DMD: variants seen among roughly 807,000 people sequenced by gnomAD.
DMD encodes mutant dystrophin.
In DMD, 63 loss-of-function variants were observed where a neutral mutation model predicts 330.1. That is an observed-to-expected ratio of 0.19 (90% CI 0.16 to 0.24). DMD has a LOEUF of 0.24. DMD is among the 10% of genes least tolerant of loss of function. The pLI is 1.00. For synonymous variants in DMD, 1,223 were observed against 959.8 expected (o/e 1.27, Z -5.07); for missense variants, 3,344 against 2,684.1 (o/e 1.25, Z -5.43).
upstream of DMD, among the ~76,000 whole-genome samples, chrX:33,216,382 G>T (rs2052054464): frequency 9.0e-6 from 1 of 111,231 alleles, no homozygotes; most frequent in Non-Finnish European, 1.9e-5. Flanking sequence ...CTTATAAATG[G>T]GAGCAAAACA....
intron 62 of DMD, among the ~76,000 whole-genome samples, chrX:31,262,318 C>T (rs565409304): frequency 1.8e-5 from 2 of 111,799 alleles, no homozygotes; most frequent in South Asian, 3.7e-4. Context: ...TCAATCAAGG[C>T]GAAGAAAGAC....
At chrX:31,301,755 GTTT>G (rs200141315) in intron 62 of DMD, among the ~76,000 whole-genome samples, 2 of 109,238 alleles carry the variant, frequency 1.8e-5, no homozygotes, top group Non-Finnish European at 3.8e-5. Context: ...TTTTTTGTTT[GTTT>G]TTTTTTGTTT....
chrX:31,687,284 G>T (rs1232833792), intron 52 of DMD, among the ~76,000 whole-genome samples: 1 of 111,011 alleles, frequency 9.0e-6, no homozygotes, highest in African/African-American at 3.3e-5. Context: ...GAGAAAAGTA[G>T]ACAGAAAAGT....
intron 20 of DMD, among the ~76,000 whole-genome samples, chrX:32,489,931 C>G (rs966982331): frequency 8.9e-6 from 1 of 111,878 alleles, no homozygotes; most frequent in African/African-American, 3.3e-5. Flanking sequence ...AGTGCCTTAT[C>G]CAAGGTATTC....
At chrX:31,767,480 G>T (rs2090073117) in intron 51 of DMD, among the ~76,000 whole-genome samples, 1 of 111,599 alleles carries the variant, frequency 9.0e-6, no homozygotes, top group Non-Finnish European at 1.9e-5. Flanking sequence ...GAGGTCTGGG[G>T]GTCTGGGTTT....
intron 44 of DMD, among the ~76,000 whole-genome samples, chrX:32,146,835 A>G (rs908579895): frequency 8.9e-6 from 1 of 111,873 alleles, no homozygotes; most frequent in Non-Finnish European, 1.9e-5. Context: ...CCCATTTTAC[A>G]GATGAGACAA....
chrX:33,171,321 T>C (rs2049333384), intron 1 of DMD, among the ~76,000 whole-genome samples: 1 of 110,890 alleles, frequency 9.0e-6, no homozygotes, highest in Non-Finnish European at 1.9e-5. Flanking sequence ...GTTTGAAACC[T>C]CTGGGGGTTT....
At chrX:31,341,723 T>C (rs915969857) in intron 61 of DMD, among the ~76,000 whole-genome samples, 135 of 111,427 alleles carry the variant, frequency 1.2e-3, no homozygotes, top group African/African-American at 3.9e-3. Context: ...ATTATAACTA[T>C]CTTTGTGACC....
chrX:33,002,840 T>A (rs1280383003), intron 2 of DMD, among the ~76,000 whole-genome samples: 2 of 74,011 alleles, frequency 2.7e-5, no homozygotes, highest in Admixed American at 1.8e-4. Context: ...ATGTGTGATA[T>A]TTTTTTCTCG....
intron 1 of DMD, among the ~76,000 whole-genome samples, chrX:33,247,192 C>T (rs779844765): frequency 1.1e-3 from 127 of 111,446 alleles, no homozygotes; most frequent in Non-Finnish European, 2.0e-3. Flanking sequence ...TTTTATATTC[C>T]GAATCAGTCC....
At chrX:32,813,008 A>G (rs2077482393) in intron 6 of DMD, among the ~76,000 whole-genome samples, 2 of 110,633 alleles carry the variant, frequency 1.8e-5, no homozygotes, top group East Asian at 5.7e-4. Flanking sequence ...GTATGATGAG[A>G]AAAAAGAGCA....
intron 2 of DMD, among the ~76,000 whole-genome samples, chrX:32,927,169 A>G: frequency 9.0e-6 from 1 of 111,232 alleles, no homozygotes; most frequent in Non-Finnish European, 1.9e-5. Flanking sequence ...TTTCCATCTT[A>G]TCTAGCCTTT....
chrX:31,463,118 C>T (rs1416450008), intron 59 of DMD, among the ~76,000 whole-genome samples: 1 of 111,782 alleles, frequency 8.9e-6, no homozygotes, highest in Non-Finnish European at 1.9e-5. Context: ...ATTTCATGCT[C>T]ATGGAAAAAG....
Position 31,135,798 on chromosome X carries a change from C to T in DMD, c.10922-1604G>A, listed in dbSNP as rs770554537. Reference sequence around the variant, plus strand: ...TTCTATTCAAGCTCTGTTTGTTTTGCACATTGTCACTTCCATCTAAAACAA... The same window carrying T: ...TTCTATTCAAGCTCTGTTTGTTTTGTACATTGTCACTTCCATCTAAAACAA... On this transcript the variant is annotated intron_variant, in intron 76 of 78. Coordinates refer to ENST00000357033, the MANE Select transcript of DMD (RefSeq NM_004006.3). Among the ~76,000 whole-genome samples the T allele has an allele frequency of 9.8e-5, 11 of 112,533 alleles. No homozygotes were observed. The South Asian group carries it at 3.7e-3, about 38-fold the overall frequency.
chrX:31,233,960 C>T (rs1882263), intron 63 of DMD, among the ~76,000 whole-genome samples: 35,999 of 110,774 alleles, frequency 0.32, 6,593 homozygotes, highest in African/African-American at 0.71. Context: ...TTGAATGATA[C>T]GCCATTAGTT....
intron 44 of DMD, among the ~76,000 whole-genome samples, chrX:32,054,135 G>GAGAGAGAGAA (rs1450250738): frequency 1.6e-4 from 15 of 96,141 alleles, no homozygotes; most frequent in Non-Finnish European, 3.2e-4. Context: ...GAGAGAGAGA[G>GAGAGAGAGAA]AAGAGGACTG....
intron 30 of DMD, among the ~76,000 whole-genome samples, chrX:32,391,644 G>C (rs983705528): frequency 8.9e-6 from 1 of 111,847 alleles, no homozygotes; most frequent in Non-Finnish European, 1.9e-5. Context: ...TAACTACCTT[G>C]TGTGAGAAAT....
chrX:31,706,165 C>T (rs1603449857), intron 52 of DMD, among the ~76,000 whole-genome samples: 1 of 95,372 alleles, frequency 1.0e-5, no homozygotes, highest in Non-Finnish European at 2.1e-5. Context: ...AAAAAAAAAG[C>T]AAAACCAGAC....
intron 56 of DMD, among the ~76,000 whole-genome samples, chrX:31,501,824 T>A (rs1324967939): frequency 9.0e-6 from 1 of 111,710 alleles, no homozygotes; most frequent in South Asian, 3.7e-4. Context: ...CCTATAAATC[T>A]TTAGTACCCT....
Sources: gnomAD v4.1 joint callset for allele counts (sites outside exome capture counted in the v4.1 genomes callset) on GRCh38, gnomAD v4.1.1 for gene constraint, MANE v1.5 for transcripts, NCBI Gene and HGNC (gene_info 2026-07-23, HGNC 2026-07-21) for gene names.